The following MAPK13 variants were observed in gnomAD, a reference collection of about 807,000 sequenced individuals.
MAPK13 encodes MAP kinase 13.
In MAPK13, 39 loss-of-function variants were observed where a neutral mutation model predicts 53.5. The observed-to-expected ratio is 0.73, with a 90% CI of 0.56 to 0.95. The LOEUF (loss-of-function observed/expected upper bound fraction) is 0.95, where lower values mean the gene tolerates loss of function less well. Ranked by LOEUF, MAPK13 falls within the 40% of genes least tolerant of loss-of-function variation. MAPK13 has a pLI of 0.00. For synonymous variants in MAPK13, 179 were observed against 190.9 expected, an observed-to-expected ratio of 0.94 and a Z score of 0.51; for missense variants, 460 against 471.8, an observed-to-expected ratio of 0.98 and a Z score of 0.23.
rs756346015 is a variant in MAPK13, at chr6:36,139,027, C to T, written c.990C>T (p.His330=). ...AGCCGTTTGATGATTCCTTAGAACA[C>T]GAGAAACTCACAGTGGATGAATGGA... The part of the protein sequence containing the change: ...AQQPFDDSLE[H]EKLTVDEWKQ... The change falls in exon 11 of 12, where the codon CAC becomes CAT. Residue 330 remains histidine, a synonymous_variant. Coordinates refer to ENST00000211287, the MANE Select transcript of MAPK13 (RefSeq NM_002754.5). 7 of 1,607,512 alleles carry T rather than the reference C, an allele frequency of 4.4e-6. No homozygotes were observed. The East Asian group carries it at 8.9e-5, about 20-fold the overall frequency.
chr6:36,137,958 CAAA>C (rs35527328), intron 8 of MAPK13, among the ~76,000 whole-genome samples: 154 of 83,374 alleles, frequency 1.8e-3, no homozygotes, highest in African/African-American at 7.2e-3. Flanking sequence ...GACCCTGTCT[CAAA>C]AAAAAAAAAA....
In MAPK13 at chr6:36,130,662, C is replaced by A. The variant is rs780913488; in HGVS notation, c.80C>A (p.Ser27Tyr). The A allele has an allele frequency of 1.3e-6, 2 of 1,579,286 alleles. No homozygotes were observed. Among genetic ancestry groups the A allele is most frequent in the African/African-American group, 1.4e-5 (1 of 70,272 alleles). The change falls in exon 1 of 12, where the codon TCC (serine) becomes TAC (tyrosine). Residue 27 changes from serine (S) to tyrosine (Y), a missense_variant. Ser to Tyr is a moderately radical substitution (Grantham distance 144, BLOSUM62 -2). Transcript: ENST00000211287. This position sits in a 1 kb window ranked among gnomAD's most constrained non-coding sequence, Gnocchi z 4.5. ...TGGGAGCTGCCCAAGACCTACGTGT[C>A]CCCGACGCACGTCGGCAGCGGGGCC... The part of the protein sequence containing the change: ...TAWELPKTYV[S>Y]PTHVGSGAYG...
intron 5 of MAPK13, 109 bp from the exon 6 acceptor site, chr6:36,136,375 C>T (rs1029219997): frequency 1.1e-6 from 1 of 903,842 alleles, no homozygotes; most frequent in Non-Finnish European, 1.7e-6. Context: ...GAAACTGAGG[C>T]CCAGAAGGGG....
At position 36,130,789 on chromosome 6, in the gene MAPK13, G is replaced by T. The variant is rs1766302791; in HGVS notation, c.119+88G>T. ...CCCGCCCTGGGCTGGCCCCTCGCCA[G>T]CGCCACCTTGACCGCGGACCTCAAG... On this transcript the variant is annotated intron_variant, in intron 1 of 11. Coordinates refer to ENST00000211287, the MANE Select transcript of MAPK13 (RefSeq NM_002754.5). The surrounding 1 kb of genome is among the most constrained non-coding windows in gnomAD (Gnocchi z 4.5). 1.5e-6 allele frequency: 1 copy of T among 685,180 alleles called. No individual in the cohort carries two copies. 42.4% of individuals were successfully genotyped at this position (685,180 alleles called of 1,614,324 possible). A position where few individuals can be genotyped will look rare whatever the true frequency, so the allele number is the denominator to read the frequency against.
chr6:36,138,339 A>G, intron 8 of MAPK13, 26 bp from the exon 9 acceptor site: 1 of 1,602,852 alleles, frequency 6.2e-7, no homozygotes, highest in Non-Finnish European at 8.5e-7. Flanking sequence ...CAGGAGAGCA[A>G]GGCTAAGCCT....
At chr6:36,136,838 G>A in intron 7 of MAPK13, 41 bp from the exon 8 acceptor site, 1 of 1,611,374 alleles carries the variant, frequency 6.2e-7, no homozygotes, top group Non-Finnish European at 8.5e-7. Context: ...CTGACTGCTG[G>A]GCCCCAGACA....
At chr6:36,131,736 C>T (rs1766327608) in intron 2 of MAPK13, among the ~76,000 whole-genome samples, 1 of 152,214 alleles carries the variant, frequency 6.6e-6, no homozygotes, top group African/African-American at 2.4e-5. Flanking sequence ...GTTGTGTCCA[C>T]GTGACCCTGA....
chr6:36,136,355 T>C, intron 5 of MAPK13, 129 bp from the exon 6 acceptor site: 1 of 773,878 alleles, frequency 1.3e-6, no homozygotes, highest in East Asian at 2.7e-5. Context: ...ACCCTCATTT[T>C]ACACATGAAG....
At chr6:36,134,782 G>A (rs1766382893) in intron 3 of MAPK13, among the ~76,000 whole-genome samples, 1 of 152,042 alleles carries the variant, frequency 6.6e-6, no homozygotes. Flanking sequence ...GGGAAGCCGA[G>A]GCAGGCAGAT....
chr6:36,133,090 G>T (rs1766351262), intron 3 of MAPK13, among the ~76,000 whole-genome samples: 1 of 152,376 alleles, frequency 6.6e-6, no homozygotes, highest in South Asian at 2.1e-4. Flanking sequence ...CTGGCTGATG[G>T]GGGTGTTTGA....
chr6:36,138,158 C>T (rs1356998101), intron 8 of MAPK13, among the ~76,000 whole-genome samples: 1 of 151,918 alleles, frequency 6.6e-6, no homozygotes, highest in African/African-American at 2.4e-5. Flanking sequence ...TGGGTAGGGA[C>T]CCCCCTCAGC....
At chr6:36,131,513 C>T (rs1766323393) in intron 2 of MAPK13, 113 bp downstream of exon 2, 2 of 1,038,218 alleles carry the variant, frequency 1.9e-6, no homozygotes, top group Admixed American at 2.6e-5. Context: ...CCCTGCTCCC[C>T]TGACGGTGCC....
At chr6:36,137,945 T>G (rs1581885687) in intron 8 of MAPK13, among the ~76,000 whole-genome samples, 3 of 104,622 alleles carry the variant, frequency 2.9e-5, no homozygotes, top group African/African-American at 8.0e-5. Context: ...AGTGACAGAG[T>G]GAGACCCTGT....
Position 36,138,656 on chromosome 6 carries a change from G to A in MAPK13, c.763-46G>A, listed in dbSNP as rs199657933. Reference sequence around the variant, plus strand: ...CTTTTCTGAAATCCCTGCTCTACACGCTGAGGCCAGAGCCCTAAGGGGTTT... The same window carrying A: ...CTTTTCTGAAATCCCTGCTCTACACACTGAGGCCAGAGCCCTAAGGGGTTT... On this transcript the variant is annotated intron_variant, in intron 9 of 11. Transcript: ENST00000211287. The A allele has an allele frequency of 8.9e-5, 139 of 1,568,042 alleles. 1 individual carries two copies. In the African/African-American group the frequency reaches 1.7e-3, roughly 19 times the overall value.
In MAPK13 at chr6:36,138,444, G is replaced by T. The variant is rs571583308; in HGVS notation, c.762G>T (p.Ala254=). Residue 254 remains alanine, a splice_region_variant and synonymous_variant, in exon 9 of 12, where the codon GCG becomes GCT. Transcript: ENST00000211287. ...TTGTGCAGAAGCTGAACGACAAAGC[G>T]GTGGGTGGTAAATGGGACCTAGGCT... ...TEFVQKLNDK[A]AKSYIQSLPQ... is the part of the protein sequence containing the mutation. 4 of 1,613,846 alleles carry T rather than the reference G, an allele frequency of 2.5e-6. No homozygotes were observed. The highest frequency in any genetic ancestry group is 2.5e-6 in the Non-Finnish European group (3 of 1,179,888).
In MAPK13 at chr6:36,143,176, G is replaced by C. The variant is rs544382146; in HGVS notation, c.*3803G>C. On this transcript the variant is annotated 3_prime_UTR_variant, in exon 12 of 12. Transcript: ENST00000211287. ...CATTCCCTCTTTTGAGGAACAAAGA[G>C]TATCTTTGCTGGGGCCTGAGTCATC... 6.6e-6 allele frequency: 1 copy of C among 152,358 alleles called. No individual in the cohort carries two copies. The highest frequency in any genetic ancestry group is 2.1e-4 in the South Asian group (1 of 4,828). 9.4% of individuals were successfully genotyped at this position (152,358 alleles called of 1,614,324 possible).
rs1161594525 is a variant in MAPK13 at position 36,136,154 on chromosome 6, C to A, written c.447+106C>A. The A allele has an allele frequency of 5.3e-6, 7 of 1,328,262 alleles. No homozygotes were observed. In the Admixed American group the frequency reaches 9.2e-5, roughly 18 times the overall value. 82.3% of individuals were successfully genotyped at this position (1,328,262 alleles called of 1,614,324 possible). A position where few individuals can be genotyped will look rare whatever the true frequency, so the allele number is the denominator to read the frequency against. ...GAAAGTTGGAGGGAGGGGACACTGCCCAGGAGCACAGAATGTGGAGTTTTC... is the reference window on the plus strand; with the variant it reads ...GAAAGTTGGAGGGAGGGGACACTGCACAGGAGCACAGAATGTGGAGTTTTC... On this transcript the variant is annotated intron_variant, in intron 5 of 11. Coordinates refer to ENST00000211287, the MANE Select transcript of MAPK13 (RefSeq NM_002754.5).
rs757115619 is a variant in MAPK13, at chr6:36,142,156, C to T, written c.*2783C>T. 4.6e-5 allele frequency: 7 copies of T among 152,278 alleles called. No homozygotes were observed. The highest frequency in any genetic ancestry group is 9.6e-5 in the African/African-American group (4 of 41,458). The allele number at this position is 152,278 out of a possible 1,614,324, so 9.4% of individuals were successfully genotyped here. A position where few individuals can be genotyped will look rare whatever the true frequency, so the allele number is the denominator to read the frequency against. ...GTGGGACACCAGTCCTGGGATCCAC[C>T]GTAAGGTTCATTCTGCATTCACAGG... On this transcript the variant is annotated 3_prime_UTR_variant, in exon 12 of 12. Coordinates refer to ENST00000211287, the MANE Select transcript of MAPK13 (RefSeq NM_002754.5). The surrounding 1 kb of genome is among the most constrained non-coding windows in gnomAD (Gnocchi z 4.4).
chr6:36,137,204 TA>T (rs769792731), intron 8 of MAPK13, among the ~76,000 whole-genome samples: 4 of 151,974 alleles, frequency 2.6e-5, no homozygotes, highest in Non-Finnish European at 5.9e-5. Context: ...ACCCCATCTC[TA>T]AAAAAGTTTT....
Sources: allele counts gnomAD v4.1 joint callset (sites outside exome capture counted in the v4.1 genomes callset), GRCh38; gene constraint gnomAD v4.1.1; non-coding constraint Gnocchi (gnomAD v3.1); transcripts MANE v1.5; gene names NCBI Gene and HGNC (gene_info 2026-07-23, HGNC 2026-07-21).